Variants in PSD observed in about 807,000 individuals in gnomAD.
PSD encodes pleckstrin and Sec7 domain containing, also known as PH and SEC7 domain-containing protein 1.
A neutral mutation model predicts 91.6 loss-of-function variants in PSD; 32 were observed. The observed-to-expected ratio is 0.35, with a 90% CI of 0.26 to 0.47. The LOEUF (loss-of-function observed/expected upper bound fraction) is 0.47. PSD is among the 20% of genes least tolerant of loss of function. PSD has a pLI of 1.00. For missense variants in PSD, 1,099 were observed against 1,373.9 expected (o/e 0.80, Z 3.16); for synonymous variants, 532 against 569.3 (o/e 0.93, Z 0.93).
Position 102,403,553 on chromosome 10 carries a change from T to C in PSD, c.2845-123A>G, listed in dbSNP as rs1436161743. 9.1e-6 allele frequency: 9 copies of C among 986,242 alleles called. No homozygotes were observed. Among genetic ancestry groups the C allele is most frequent in the Non-Finnish European group, 1.3e-5 (9 of 680,836 alleles). The allele number at this position is 986,242 out of a possible 1,614,324, so 61.1% of individuals were successfully genotyped here. A position where few individuals can be genotyped will look rare whatever the true frequency, so the allele number is the denominator to read the frequency against. On this transcript the variant is annotated intron_variant, in intron 16 of 16. Coordinates refer to ENST00000020673, the MANE Select transcript of PSD (RefSeq NM_002779.5). This position sits in a 1 kb window ranked among gnomAD's most constrained non-coding sequence, Gnocchi z 6.7. Reference sequence around the variant, plus strand: ...CAGGTGCCCACCCAGGACTGTGAGATGGTCCCATGCGGGCTGGTGCCCCCT... The same window carrying C: ...CAGGTGCCCACCCAGGACTGTGAGACGGTCCCATGCGGGCTGGTGCCCCCT...
chr10:102,409,214 C>G lies in PSD; in HGVS notation c.2091+1644G>C. On this transcript the variant is annotated intron_variant, in intron 10 of 16. Coordinates refer to ENST00000020673, the MANE Select transcript of PSD (RefSeq NM_002779.5). This position sits in a 1 kb window ranked among gnomAD's most constrained non-coding sequence, Gnocchi z 5.7. ...CCAGCGCGAGCGGCGCGGCCCGGCC[C>G]GAGCCGGCCCGGCTCTCACGGACGC... The G allele has an allele frequency of 1.0e-6, 1 of 982,948 alleles. No homozygotes were observed. Among genetic ancestry groups the G allele is most frequent in the Non-Finnish European group, 1.2e-6 (1 of 829,002 alleles). 60.9% of individuals were successfully genotyped at this position (982,948 alleles called of 1,614,324 possible). A position where few individuals can be genotyped will look rare whatever the true frequency, so the allele number is the denominator to read the frequency against.
chr10:102,417,173 T>TAGGACAGC (rs1466386393), intron 1 of PSD, 52 bp from the exon 2 acceptor site: 1 of 608,940 alleles, frequency 1.6e-6, no homozygotes, highest in African/African-American at 1.9e-5. Flanking sequence ...GTTAGATGGA[T>TAGGACAGC]AGGACAGCAG....
intron 5 of PSD, among the ~76,000 whole-genome samples, chr10:102,412,794 C>T (rs966981304): frequency 5.3e-5 from 8 of 152,222 alleles, no homozygotes; most frequent in African/African-American, 1.7e-4. Flanking sequence ...ATCTAACCCA[C>T]ATCCGTCTTG....
Position 102,403,451 on chromosome 10 carries a change from C to T in PSD, c.2845-21G>A, listed in dbSNP as rs1401458726. 1 of 1,579,790 alleles carries T rather than the reference C, an allele frequency of 6.3e-7. No individual in the cohort carries two copies. The highest frequency in any genetic ancestry group is 1.1e-5 in the South Asian group (1 of 88,294). On this transcript the variant is annotated intron_variant, in intron 16 of 16. Coordinates refer to ENST00000020673, the MANE Select transcript of PSD (RefSeq NM_002779.5). The surrounding 1 kb of genome is among the most constrained non-coding windows in gnomAD (Gnocchi z 6.7). ...GATTTCTGAGGCAGAGGGGCAGGGG[C>T]TGTGAGAGCCTCTTCTCTGCCTTCT...
rs995406035 is a variant in PSD at position 102,417,236 on chromosome 10, A to G, written c.-83-115T>C. ...CCTCTGAGTATCAGGGACCTAGCAC[A>G]CCCTGGTAATATGGGATCATTGATC... On this transcript the variant is annotated intron_variant, in intron 1 of 16. Transcript: ENST00000020673. The G allele has an allele frequency of 1.2e-5, 7 of 563,842 alleles. No individual in the cohort carries two copies. In the African/African-American group the frequency reaches 1.4e-4, roughly 11 times the overall value. The allele number at this position is 563,842 out of a possible 1,614,324, so 34.9% of individuals were successfully genotyped here. A position where few individuals can be genotyped will look rare whatever the true frequency, so the allele number is the denominator to read the frequency against.
chr10:102,408,235 C>T (rs189967771), intron 10 of PSD, among the ~76,000 whole-genome samples: 44 of 152,282 alleles, frequency 2.9e-4, no homozygotes, highest in Admixed American at 5.2e-4. Context: ...GCAGTGGTGA[C>T]GTAGGCACCT....
rs1458297095 is a variant in PSD at position 102,418,688 on chromosome 10, C to G, written c.-84+13G>C. 6 of 455,728 alleles carry G rather than the reference C, an allele frequency of 1.3e-5. No individual in the cohort carries two copies. The Admixed American group carries it at 1.4e-4, about 11-fold the overall frequency. The allele number at this position is 455,728 out of a possible 1,614,324, so 28.2% of individuals were successfully genotyped here. A position where few individuals can be genotyped will look rare whatever the true frequency, so the allele number is the denominator to read the frequency against. On this transcript the variant is annotated intron_variant, in intron 1 of 16. Coordinates refer to ENST00000020673, the MANE Select transcript of PSD (RefSeq NM_002779.5). ...CCGGTGCAGCCCCAACTCAATGCCA[C>G]CTCAGTACTCACCGCTGCTCGCCCA...
At position 102,404,957 on chromosome 10, in the gene PSD, C is replaced by G; in HGVS notation, c.2496G>C (p.Lys832Asn). The change falls in exon 14 of 17, where the codon AAG (lysine) becomes AAC (asparagine). Residue 832 changes from lysine (K) to asparagine (N), a missense_variant. Physicochemically the swap from Lys to Asn is moderately conservative, Grantham distance 94. Around this residue, in one of 3 missense-constraint regions of PSD, gnomAD observed 358 missense variants for 426.5 expected, o/e 0.84. Transcript: ENST00000020673. This position sits in a 1 kb window ranked among gnomAD's most constrained non-coding sequence, Gnocchi z 5.7. ...ALATRASDYS[K>N]RPHVFYLRTA... The stretch of plus-strand genomic sequence containing the variant: ...TGCGCAGGTAGAAGACGTGGGGCCT[C>G]TTGCTGTAGTCACTGGCACGAGTGG... 1 of 1,614,082 alleles carries G rather than the reference C, an allele frequency of 6.2e-7. No individual in the cohort carries two copies. The highest frequency in any genetic ancestry group is 8.5e-7 in the Non-Finnish European group (1 of 1,179,996).
At position 102,403,758 on chromosome 10, in the gene PSD, G is replaced by C; in HGVS notation, c.2844+84C>G. On this transcript the variant is annotated intron_variant, in intron 16 of 16. Coordinates refer to ENST00000020673, the MANE Select transcript of PSD (RefSeq NM_002779.5). The surrounding 1 kb of genome is among the most constrained non-coding windows in gnomAD (Gnocchi z 6.7). ...TTAAGCAACCTGCCCAAGGACCTCC[G>C]GCCGGTTCCACTGTTAGAGTTCATG... The C allele has an allele frequency of 3.3e-6, 5 of 1,494,706 alleles. No homozygotes were observed. Among genetic ancestry groups the C allele is most frequent in the Non-Finnish European group, 4.5e-6 (5 of 1,115,362 alleles). 92.6% of individuals were successfully genotyped at this position (1,494,706 alleles called of 1,614,324 possible).
At position 102,414,919 on chromosome 10, in the gene PSD, C is replaced by T; in HGVS notation, c.1068G>A (p.Glu356=). The T allele has an allele frequency of 1.3e-6, 2 of 1,519,332 alleles. No individual in the cohort carries two copies. Among genetic ancestry groups the T allele is most frequent in the South Asian group, 2.5e-5 (2 of 78,616 alleles). 94.1% of individuals were successfully genotyped at this position (1,519,332 alleles called of 1,614,324 possible). A position where few individuals can be genotyped will look rare whatever the true frequency, so the allele number is the denominator to read the frequency against. The change falls in exon 4 of 17, where the codon GAG becomes GAA. Residue 356 remains glutamate (E), a synonymous_variant. Coordinates refer to ENST00000020673, the MANE Select transcript of PSD (RefSeq NM_002779.5). This position sits in a 1 kb window ranked among gnomAD's most constrained non-coding sequence, Gnocchi z 5.6. ...GSGNEDEDDD[E]AGGEEDVDDE... ...CGTCCACATCTTCTTCCCCACCTGC[C>T]TCATCGTCGTCCTCATCCTCATTGC...
chr10:102,411,972 C>T (rs770209223), intron 7 of PSD, among the ~76,000 whole-genome samples, 153 bp from the exon 8 acceptor site: 4 of 152,230 alleles, frequency 2.6e-5, no homozygotes, highest in Non-Finnish European at 5.9e-5. Flanking sequence ...CCACCCATCA[C>T]CCCTACCCAA....
intron 11 of PSD, 68 bp downstream of exon 11, chr10:102,407,155 C>T: frequency 6.9e-7 from 1 of 1,443,694 alleles, no homozygotes; most frequent in South Asian, 1.3e-5. Flanking sequence ...CCCCAGCTCT[C>T]TCAGCCTCCC....
chr10:102,408,921 G>A (rs2061394608), intron 10 of PSD: 1 of 987,462 alleles, frequency 1.0e-6, no homozygotes, highest in Non-Finnish European at 1.2e-6. Flanking sequence ...CGGCTCTGCA[G>A]GCGGCTGACC....
rs910889193 is a variant in PSD at position 102,402,934 on chromosome 10, G to A, written c.*266C>T. Reference sequence around the variant, plus strand: ...CCCACACAAAAAAAAAGCATCAAAAGTTCAGGGGCGCTAGCCCCTCCCGCC... The same window carrying A: ...CCCACACAAAAAAAAAGCATCAAAAATTCAGGGGCGCTAGCCCCTCCCGCC... On this transcript the variant is annotated 3_prime_UTR_variant, in exon 17 of 17. Coordinates refer to ENST00000020673, the MANE Select transcript of PSD (RefSeq NM_002779.5). The A allele has an allele frequency of 8.7e-6, 3 of 344,752 alleles. No individual in the cohort carries two copies. The highest frequency in any genetic ancestry group is 1.6e-5 in the Non-Finnish European group (3 of 191,300). The allele number at this position is 344,752 out of a possible 1,614,324, so 21.4% of individuals were successfully genotyped here.
chr10:102,404,073 G>A lies in PSD; in HGVS notation c.2701-88C>T. 5.6e-6 allele frequency: 8 copies of A among 1,433,532 alleles called. No homozygotes were observed. Among genetic ancestry groups the A allele is most frequent in the Non-Finnish European group, 7.4e-6 (8 of 1,087,312 alleles). The allele number at this position is 1,433,532 out of a possible 1,614,324, so 88.8% of individuals were successfully genotyped here. A position where few individuals can be genotyped will look rare whatever the true frequency, so the allele number is the denominator to read the frequency against. On this transcript the variant is annotated intron_variant, in intron 15 of 16. Coordinates refer to ENST00000020673, the MANE Select transcript of PSD (RefSeq NM_002779.5). This position sits in a 1 kb window ranked among gnomAD's most constrained non-coding sequence, Gnocchi z 5.7. ...TTAAAAAGATACCCCTTCCAGCCGG[G>A]CGCGGTGGCTCACGCCTGTAATCCC...
intron 3 of PSD, 110 bp from the exon 4 acceptor site, chr10:102,415,339 A>C: frequency 7.6e-7 from 1 of 1,313,422 alleles, no homozygotes; most frequent in Non-Finnish European, 1.0e-6. Context: ...AAGTTCTTTC[A>C]CTGTCTAGCC....
At chr10:102,406,610 G>C (rs574434419) in intron 11 of PSD, among the ~76,000 whole-genome samples, 124 of 151,456 alleles carry the variant, frequency 8.2e-4, no homozygotes, top group Admixed American at 1.6e-3. Flanking sequence ...CGGGTTCACA[G>C]CATTCTCCTG....
At position 102,404,599 on chromosome 10, in the gene PSD, G is replaced by A. The variant is rs1376727391; in HGVS notation, c.2684C>T (p.Ala895Val). The change falls in exon 15 of 17, where the codon GCC becomes GTC. Residue 895 changes from alanine to valine, a missense_variant. By Grantham distance (64) the Ala-to-Val change is moderately conservative. Around this residue, in one of 3 missense-constraint regions of PSD, gnomAD observed 358 missense variants for 426.5 expected, o/e 0.84. Transcript: ENST00000020673. The surrounding 1 kb of genome is among the most constrained non-coding windows in gnomAD (Gnocchi z 5.7). ...TTGGGCTACCTGGGAGAGGCGGGTGGCAGCGCTGGGCAGGAGAGGGCGGCT... is the reference window on the plus strand; with the variant it reads ...TTGGGCTACCTGGGAGAGGCGGGTGACAGCGCTGGGCAGGAGAGGGCGGCT... Reference protein sequence around the residue: ...KFSRPLLPSAATRLSQEEQVR... With the variant: ...KFSRPLLPSAVTRLSQEEQVR... 5.0e-6 allele frequency: 8 copies of A among 1,610,036 alleles called. No individual in the cohort carries two copies. The highest frequency in any genetic ancestry group is 2.2e-5 in the South Asian group (2 of 90,624).
At position 102,405,084 on chromosome 10, in the gene PSD, C is replaced by T; in HGVS notation, c.2398-29G>A. 6.2e-7 allele frequency: 1 copy of T among 1,612,494 alleles called. No homozygotes were observed. The highest frequency in any genetic ancestry group is 8.5e-7 in the Non-Finnish European group (1 of 1,179,152). On this transcript the variant is annotated intron_variant, in intron 13 of 16. Transcript: ENST00000020673. This position sits in a 1 kb window ranked among gnomAD's most constrained non-coding sequence, Gnocchi z 5.4. ...CAGGGGTGTCCATCTTGTCCTGGCC[C>T]CAAATGCAGCCTGGCCCAGCCCCTC... is the stretch of plus-strand genomic sequence containing the variant.
Sources: allele counts gnomAD v4.1 joint callset (sites outside exome capture counted in the v4.1 genomes callset), GRCh38; gene constraint gnomAD v4.1.1; regional missense constraint gnomAD v4.1.1; non-coding constraint Gnocchi (gnomAD v3.1); transcripts MANE v1.5; gene names NCBI Gene and HGNC (gene_info 2026-07-23, HGNC 2026-07-21).